Variants in DENND2B observed in about 807,000 individuals in gnomAD.
DENND2B encodes the protein DENN domain containing 2B.
Under a neutral mutation model 116.0 loss-of-function variants are expected in DENND2B, and 32 were observed. That is an observed-to-expected ratio of 0.28 (90% CI 0.21 to 0.37). The LOEUF is 0.37. Among genes scored for constraint, DENND2B ranks in the 10% least tolerant of loss-of-function variants. The pLI is 1.00. For missense variants in DENND2B, 1,276 were observed against 1,477.7 expected (o/e 0.86, Z 2.24); for synonymous variants, 588 against 583.9 (o/e 1.01, Z -0.10).
intron 4 of DENND2B, 36 bp downstream of exon 4, chr11:8,726,035 CCT>C (rs1473596278): frequency 5.6e-6 from 9 of 1,612,902 alleles, no homozygotes; most frequent in Admixed American, 1.7e-5. Context: ...TCTGCAGCCC[CCT>C]GAGATGACCC....
chr11:8,814,955 C>T (rs1414018834), upstream of DENND2B, among the ~76,000 whole-genome samples: 1 of 152,156 alleles, frequency 6.6e-6, no homozygotes. Flanking sequence ...TGGGCACAAC[C>T]AAAAATTCCT....
intron 13 of DENND2B, among the ~76,000 whole-genome samples, chr11:8,705,669 G>A (rs1268146760): frequency 6.6e-6 from 1 of 152,150 alleles, no homozygotes; most frequent in African/African-American, 2.4e-5. Context: ...TCCTTCACGA[G>A]CTCCCATCTC....
At chr11:8,801,073 C>T (rs912983520) in intron 1 of DENND2B, among the ~76,000 whole-genome samples, 1 of 151,382 alleles carries the variant, frequency 6.6e-6, no homozygotes, top group African/African-American at 2.4e-5. Flanking sequence ...CCTCACCCTC[C>T]CATCAGCCTT....
In DENND2B at chr11:8,862,674, T is replaced by C. The variant is rs543093710; in HGVS notation, c.-249-5238A>G. Among the ~76,000 whole-genome samples the C allele has an allele frequency of 4.6e-5, 7 of 152,274 alleles. No homozygotes were observed. The East Asian group carries it at 1.2e-3, about 25-fold the overall frequency. On this transcript the variant is annotated intron_variant, in intron 2 of 6. Transcript: ENST00000524757. ...TTTATTCAGTTTCCACAGAACTATC[T>C]GGTCTTCTGTTTTTCTTCCCTGTCC...
chr11:8,880,345 C>CTGGGGGTG (rs71485245), intron 2 of DENND2B, among the ~76,000 whole-genome samples: 9 of 120,552 alleles, frequency 7.5e-5, no homozygotes, highest in Non-Finnish European at 1.3e-4. Context: ...TCACTTTGAA[C>CTGGGGGTG]TGTGTGTGTG....
Position 8,718,197 on chromosome 11 carries a change from T to C in DENND2B, c.1478-305A>G, listed in dbSNP as rs1249637347. On this transcript the variant is annotated intron_variant, in intron 4 of 19. Transcript: ENST00000313726. ...CAAGACTGGCTCAGCCACCCCTGCC[T>C]GTGCCCAGCCAGAGGACAAAGCCAG... is the stretch of plus-strand genomic sequence containing the variant. 8.2e-6 allele frequency: 6 copies of C among 728,912 alleles called. No individual in the cohort carries two copies. In the Admixed American group the frequency reaches 1.2e-4, roughly 15 times the overall value. 45.2% of individuals were successfully genotyped at this position (728,912 alleles called of 1,614,324 possible). A position where few individuals can be genotyped will look rare whatever the true frequency, so the allele number is the denominator to read the frequency against.
chr11:8,716,996 C>A (rs2044974712), intron 5 of DENND2B, among the ~76,000 whole-genome samples: 1 of 152,312 alleles, frequency 6.6e-6, no homozygotes, highest in East Asian at 1.9e-4. Flanking sequence ...CAGAAGAAAT[C>A]ATTTTTATAT....
intron 2 of DENND2B, among the ~76,000 whole-genome samples, chr11:8,870,524 TGCGCGC>T (rs879620251): frequency 8.7e-6 from 1 of 114,538 alleles, no homozygotes; most frequent in African/African-American, 2.9e-5. Flanking sequence ...TGTGTGTGTG[TGCGCGC>T]GCGCGCGCGC....
rs1274035306 is a variant in DENND2B at position 8,708,222 on chromosome 11, G to A, written c.2353-368C>T. 3 of 1,230,736 alleles carry A rather than the reference G, an allele frequency of 2.4e-6. No individual in the cohort carries two copies. The African/African-American group carries it at 4.7e-5, about 19-fold the overall frequency. The allele number at this position is 1,230,736 out of a possible 1,614,324, so 76.2% of individuals were successfully genotyped here. A position where few individuals can be genotyped will look rare whatever the true frequency, so the allele number is the denominator to read the frequency against. On this transcript the variant is annotated intron_variant, in intron 11 of 19. Coordinates refer to ENST00000313726, the MANE Select transcript of DENND2B (RefSeq NM_213618.2). ...GGCTGGGACCCCAGCAGATGGGAAG[G>A]ACTAGGGTACATCCTTAGGACAAGC... is the stretch of plus-strand genomic sequence containing the variant.
chr11:8,735,360 C>T (rs545095325), intron 2 of DENND2B, among the ~76,000 whole-genome samples: 10 of 152,288 alleles, frequency 6.6e-5, no homozygotes, highest in Admixed American at 6.5e-4. Context: ...CACCTTGGAC[C>T]CAGACCCAGC....
intron 14 of DENND2B, among the ~76,000 whole-genome samples, chr11:8,701,701 A>C (rs2133719733): frequency 6.6e-6 from 1 of 152,144 alleles, no homozygotes; most frequent in East Asian, 1.9e-4. Context: ...ACCACCACTG[A>C]CATAAAACTT....
intron 2 of DENND2B, among the ~76,000 whole-genome samples, chr11:8,745,154 A>G (rs1387718101): frequency 3.9e-5 from 6 of 152,178 alleles, no homozygotes; most frequent in Admixed American, 2.0e-4. Context: ...TCCCAGGCTC[A>G]AGTGATCCTC....
At position 8,710,905 on chromosome 11, in the gene DENND2B, A is replaced by G. The variant is rs748758350; in HGVS notation, c.2292T>C (p.Phe764=). 1 of 1,614,148 alleles carries G rather than the reference A, an allele frequency of 6.2e-7. No individual in the cohort carries two copies. Among genetic ancestry groups the G allele is most frequent in the Non-Finnish European group, 8.5e-7 (1 of 1,180,018 alleles). Residue 764 remains phenylalanine, a synonymous_variant, in exon 11 of 20, where the codon TTT becomes TTC. Transcript: ENST00000313726. ...CATCTTCCCCAGTCAGCATGAAAGA[A>G]AAGGTCTCACTGGAACAAAGAGAGG... ...LPVSEYSSET[F]SFMLTGEDGS...
chr11:8,889,428 G>A (rs569551512), intron 1 of DENND2B, among the ~76,000 whole-genome samples: 86 of 152,336 alleles, frequency 5.6e-4, no homozygotes, highest in African/African-American at 2.0e-3. Context: ...ATGAACATGA[G>A]CCAAAGCAGG....
chr11:8,867,749 A>G (rs866150070), intron 2 of DENND2B, among the ~76,000 whole-genome samples: 1 of 151,640 alleles, frequency 6.6e-6, no homozygotes, highest in Non-Finnish European at 1.5e-5. Context: ...TGCATGATTA[A>G]TTTTTGTATT....
At chr11:8,698,257 G>C (rs1248080863) in intron 16 of DENND2B, among the ~76,000 whole-genome samples, 1 of 148,858 alleles carries the variant, frequency 6.7e-6, no homozygotes, top group Non-Finnish European at 1.5e-5. Flanking sequence ...TCCATCTTCA[G>C]CTCCAGGCAG....
intron 1 of DENND2B, among the ~76,000 whole-genome samples, chr11:8,803,378 C>G (rs1283302108): frequency 6.6e-6 from 1 of 152,090 alleles, no homozygotes; most frequent in Non-Finnish European, 1.5e-5. Flanking sequence ...GAGCGAGACT[C>G]TGTCTCAAAA....
At chr11:8,720,566 A>T (rs1049978123) in intron 4 of DENND2B, among the ~76,000 whole-genome samples, 2 of 152,134 alleles carry the variant, frequency 1.3e-5, no homozygotes, top group African/African-American at 4.8e-5. Flanking sequence ...AAAGCCACTA[A>T]TCAGTTCTCC....
intron 1 of DENND2B, among the ~76,000 whole-genome samples, chr11:8,795,197 A>C (rs2059711678): frequency 6.6e-6 from 1 of 152,268 alleles, no homozygotes; most frequent in South Asian, 2.1e-4. Flanking sequence ...TTTGGTGAGA[A>C]GAGTCATTGA....
Sources: gnomAD v4.1 joint callset for allele counts (sites outside exome capture counted in the v4.1 genomes callset) on GRCh38, gnomAD v4.1.1 for gene constraint, MANE v1.5 for transcripts, NCBI Gene and HGNC (gene_info 2026-07-23, HGNC 2026-07-21) for gene names.